PKD1L3: variants seen among roughly 807,000 people sequenced by gnomAD.
PKD1L3 encodes polycystin-1-like protein 3.
A neutral mutation model predicts 184.1 loss-of-function variants in PKD1L3; 239 were observed. That is an observed-to-expected ratio of 1.30 (90% CI 1.17 to 1.45). PKD1L3 has a LOEUF of 1.45. PKD1L3 is among the 40% of genes most tolerant of loss of function. The pLI, the probability that PKD1L3 is intolerant of heterozygous loss-of-function variation, is 0.00. For missense variants in PKD1L3, 2,660 were observed against 2,067.2 expected (o/e 1.29, Z -5.56); for synonymous variants, 996 against 778.8 (o/e 1.28, Z -4.64).
intron 23 of PKD1L3, 35 bp downstream of exon 23, chr16:71,943,995 T>C (rs752401571): frequency 1.6e-5 from 25 of 1,528,136 alleles, no homozygotes; most frequent in Non-Finnish European, 1.9e-5. Flanking sequence ...GAAAAGGTGC[T>C]GTGTTATCAG....
At chr16:71,976,901 C>T (rs1477352443) in intron 11 of PKD1L3, among the ~76,000 whole-genome samples, 3 of 149,350 alleles carry the variant, frequency 2.0e-5, no homozygotes, top group South Asian at 2.1e-4. Flanking sequence ...TGCCACCACA[C>T]CTGGCTAATT....
rs147315788 is a variant in PKD1L3, at chr16:71,934,382, C to T, written c.4614-257G>A. On this transcript the variant is annotated intron_variant, in intron 26 of 29. Transcript: ENST00000620267. ...CCGAAGAAGCCTTAAAATGTGACCT[C>T]TAGCTGATTTCTTTATTCCAAATTC... 1.2e-3 allele frequency among the ~76,000 whole-genome samples: 181 copies of T among 152,296 alleles called. 1 individual carries two copies. The East Asian group carries it at 0.03, about 25-fold the overall frequency.
At chr16:71,929,937 A>G in intron 29 of PKD1L3, 115 bp downstream of exon 29, 1 of 1,266,926 alleles carries the variant, frequency 7.9e-7, no homozygotes, top group South Asian at 1.6e-5. Context: ...GAAACTAATA[A>G]AGGGAATATG....
intron 24 of PKD1L3, among the ~76,000 whole-genome samples, chr16:71,940,177 G>T (rs899780731): frequency 6.6e-6 from 1 of 151,966 alleles, no homozygotes; most frequent in Non-Finnish European, 1.5e-5. Flanking sequence ...TCACAACCAG[G>T]TATTTGCTAC....
chr16:71,950,182 G>T lies in PKD1L3; in HGVS notation c.3319C>A (p.Gln1107Lys). ...AAGAGTTCCTGGAGTTTTTGAAGTT[G>T]GCTGGCTGCATCTAGGAAGTCACAG... ...QSCDFLDAAS[Q>K]LQKLQELLET... is the part of the protein sequence containing the mutation. Residue 1107 changes from glutamine to lysine, a missense_variant, in exon 20 of 30, where the codon CAA becomes AAA. Coordinates refer to ENST00000620267, the MANE Select transcript of PKD1L3 (RefSeq NM_181536.2). The T allele has an allele frequency of 6.4e-7, 1 of 1,552,290 alleles. No individual in the cohort carries two copies. Among genetic ancestry groups the T allele is most frequent in the East Asian group, 2.4e-5 (1 of 40,922 alleles).
In PKD1L3 at chr16:71,986,329, C is replaced by G. The variant is rs1247884145; in HGVS notation, c.726G>C (p.Thr242=). 6.4e-7 allele frequency: 1 copy of G among 1,552,094 alleles called. No homozygotes were observed. The change falls in exon 5 of 30, where the codon ACG becomes ACC. Residue 242 remains threonine, a synonymous_variant. Transcript: ENST00000620267. ...TTTCTGCCAGAGATTGCCCAGCATG[C>G]GTGACAGACACGGGCATGGTGAGCT... The part of the protein sequence containing the change: ...ITQLTMPVSV[T]HAGQSLAETT...
Position 71,969,881 on chromosome 16 carries a change from C to T in PKD1L3, c.2178G>A (p.Met726Ile), listed in dbSNP as rs2039644163. The T allele has an allele frequency of 6.5e-7, 1 of 1,547,468 alleles. No individual in the cohort carries two copies. The highest frequency in any genetic ancestry group is 8.7e-7 in the Non-Finnish European group (1 of 1,143,190). Residue 726 changes from methionine to isoleucine, a missense_variant, in exon 13 of 30, where the codon ATG (methionine) becomes ATA (isoleucine). By Grantham distance (10) the Met-to-Ile change is conservative. Transcript: ENST00000620267. ...GAAATCAAAGTCTCATTACCTTCTG[C>T]ATATCTGCTTGATCCTTTTTCCGAG... ...VWARKKDQAD[M>I]QKVKVTVLAD...
At chr16:71,946,662 A>G (rs1338834024) in intron 22 of PKD1L3, among the ~76,000 whole-genome samples, 5 of 150,588 alleles carry the variant, frequency 3.3e-5, no homozygotes, top group Admixed American at 2.7e-4. Context: ...ACTTTTTCAG[A>G]GAATGCTGAT....
At position 71,944,070 on chromosome 16, in the gene PKD1L3, C is replaced by G; in HGVS notation, c.3819G>C (p.Leu1273Phe). ...TCAGCTTGAAGAGTTTCTTCTTTTT[C>G]AAGGTTCTTTCTGGGTGCTTAGTTG... ...NSPTKHPERTLKKKKLFKLTG... is the reference protein window; with the variant it reads ...NSPTKHPERTFKKKKLFKLTG... Residue 1273 changes from leucine (L) to phenylalanine (F), a missense_variant, in exon 23 of 30, where the codon TTG (leucine) becomes TTC (phenylalanine). Coordinates refer to ENST00000620267, the MANE Select transcript of PKD1L3 (RefSeq NM_181536.2). 6.4e-7 allele frequency: 1 copy of G among 1,552,026 alleles called. No homozygotes were observed. Among genetic ancestry groups the G allele is most frequent in the Non-Finnish European group, 8.7e-7 (1 of 1,147,064 alleles).
chr16:71,969,245 T>G (rs2039617765), intron 13 of PKD1L3, among the ~76,000 whole-genome samples: 1 of 152,166 alleles, frequency 6.6e-6, no homozygotes, highest in Admixed American at 6.6e-5. Flanking sequence ...TACATGTAAC[T>G]TTCATATCCA....
At position 71,990,444 on chromosome 16, in the gene PKD1L3, A is replaced by C. The variant is rs546199810; in HGVS notation, c.536-115T>G. 2.3e-5 allele frequency: 20 copies of C among 863,234 alleles called. 1 individual carries two copies. In the South Asian group the frequency reaches 3.0e-4, roughly 13 times the overall value. 53.5% of individuals were successfully genotyped at this position (863,234 alleles called of 1,614,324 possible). On this transcript the variant is annotated intron_variant, in intron 3 of 29. Transcript: ENST00000620267. The stretch of plus-strand genomic sequence containing the variant: ...AATAATGCAAATTGTTTTACATAGA[A>C]AACCAAGGCCGGACATGGTAGCTCA...
In PKD1L3 at chr16:71,989,136, G is replaced by A. The variant is rs183850495; in HGVS notation, c.585+1144C>T. Among the ~76,000 whole-genome samples, 562 of 152,208 alleles carry A rather than the reference G, an allele frequency of 3.7e-3. 5 individuals carry two copies. The highest frequency in any genetic ancestry group is 0.013 in the African/African-American group (538 of 41,528). On this transcript the variant is annotated intron_variant, in intron 4 of 29. Coordinates refer to ENST00000620267, the MANE Select transcript of PKD1L3 (RefSeq NM_181536.2). Reference sequence around the variant, plus strand: ...TTGTTGCTCTGCAGAAAACAGCGTGGGAAATACTGAGGGTTTTTTTGTTTT... The same window carrying A: ...TTGTTGCTCTGCAGAAAACAGCGTGAGAAATACTGAGGGTTTTTTTGTTTT...
chr16:71,955,552 G>T (rs964143180), intron 16 of PKD1L3, among the ~76,000 whole-genome samples: 5 of 151,984 alleles, frequency 3.3e-5, no homozygotes, highest in African/African-American at 1.2e-4. Flanking sequence ...GAGTGCAGTG[G>T]TGAGATCTCA....
chr16:71,948,445 T>TC (rs1164147188), intron 21 of PKD1L3, among the ~76,000 whole-genome samples: 1 of 152,106 alleles, frequency 6.6e-6, no homozygotes, highest in Non-Finnish European at 1.5e-5. Context: ...GGTCTTGAAC[T>TC]CCCAACCTCA....
At chr16:71,994,190 C>G (rs575537415) in intron 2 of PKD1L3, among the ~76,000 whole-genome samples, 2 of 152,280 alleles carry the variant, frequency 1.3e-5, no homozygotes, top group Admixed American at 1.3e-4. Flanking sequence ...CTTAAATTCG[C>G]TATCGTGAAG....
chr16:71,964,727 C>T (rs572198070), intron 15 of PKD1L3, among the ~76,000 whole-genome samples: 2 of 152,006 alleles, frequency 1.3e-5, no homozygotes, highest in Non-Finnish European at 2.9e-5. Context: ...CAGTCACCTC[C>T]TGCCCCCTCA....
rs1343960991 is a variant in PKD1L3 at position 71,999,988 on chromosome 16, ATTGTAGC to A, written c.-17_-11del. On this transcript the variant is annotated 5_prime_UTR_variant, in exon 1 of 30. Coordinates refer to ENST00000620267, the MANE Select transcript of PKD1L3 (RefSeq NM_181536.2). ...CTCCTTTGAAGAACATTTTCTCTGA[ATTGTAGC>A]AAGAAAAAGTGTGGGGGTTTAGCAG... is the stretch of plus-strand genomic sequence containing the variant. 1 of 1,500,912 alleles carries A rather than the reference ATTGTAGC, an allele frequency of 6.7e-7. No individual in the cohort carries two copies. Among genetic ancestry groups the A allele is most frequent in the Admixed American group, 2.2e-5 (1 of 45,972 alleles). The allele number at this position is 1,500,912 out of a possible 1,614,324, so 93.0% of individuals were successfully genotyped here. A position where few individuals can be genotyped will look rare whatever the true frequency, so the allele number is the denominator to read the frequency against.
chr16:71,967,259 G>T lies in PKD1L3; in HGVS notation c.2343C>A (p.Asp781Glu). ...EGRSEPHHLC[D>E]PQKTVFERGG... ...CTCGTTCAAAGACTGTCTTCTGGGG[G>T]TCACAGAGGTGATGGGGCTCACTCC... Residue 781 changes from aspartate to glutamate, a missense_variant, in exon 15 of 30, where the codon GAC (aspartate) becomes GAA (glutamate). Physicochemically the swap from Asp to Glu is conservative, Grantham distance 45 (BLOSUM62 2). Coordinates refer to ENST00000620267, the MANE Select transcript of PKD1L3 (RefSeq NM_181536.2). The T allele has an allele frequency of 1.3e-6, 2 of 1,551,652 alleles. No individual in the cohort carries two copies. Among genetic ancestry groups the T allele is most frequent in the Non-Finnish European group, 1.7e-6 (2 of 1,146,940 alleles).
chr16:71,964,901 C>T (rs2039440990), intron 15 of PKD1L3, among the ~76,000 whole-genome samples: 1 of 148,332 alleles, frequency 6.7e-6, no homozygotes, highest in East Asian at 2.0e-4. Flanking sequence ...GGCTGGAGTG[C>T]AGCGGTGCGA....
Sources: gnomAD v4.1 joint callset for allele counts (sites outside exome capture counted in the v4.1 genomes callset) on GRCh38, gnomAD v4.1.1 for gene constraint, MANE v1.5 for transcripts, NCBI Gene and HGNC (gene_info 2026-07-23, HGNC 2026-07-21) for gene names.